OSTN: variants seen among roughly 807,000 people sequenced by gnomAD.
OSTN encodes osteocrin.
Under a neutral mutation model 12.0 loss-of-function variants are expected in OSTN, and 9 were observed. That is an observed-to-expected ratio of 0.75 (90% CI 0.45 to 1.30). The LOEUF is 1.30. OSTN is among the 50% of genes most tolerant of loss of function. The probability of loss-of-function intolerance (pLI) is 0.00; values close to 1 mark genes in which losing one functional copy is unlikely to be tolerated. For missense variants in OSTN, 148 were observed against 152.3 expected (o/e 0.97, Z 0.15); for synonymous variants, 59 against 56.9 (o/e 1.04, Z -0.16).
rs765579699 is a variant in OSTN, at chr3:191,218,953, T to C, written c.309T>C (p.Gly103=). The C allele has an allele frequency of 1.2e-6, 2 of 1,610,958 alleles. No individual in the cohort carries two copies. The highest frequency in any genetic ancestry group is 1.7e-6 in the Non-Finnish European group (2 of 1,178,890). Residue 103 remains glycine (G), a synonymous_variant, in exon 3 of 5, where the codon GGT becomes GGC. Transcript: ENST00000682035. ...CAGCTGGCTCTGTAGATCACAAAGG[T>C]AAACAGAGGTAAGTGAACTCAGAAA... ...RLSAGSVDHK[G]KQRKVVDHPK...
chr3:191,249,352 T>A lies in OSTN; in HGVS notation c.318-685T>A, dbSNP rs955632805. ...ATTGAAAAGTTTCTAAAATGCATCTTATTTTTAAAGGGGTAATTGATAGAA... is the reference window on the plus strand; with the variant it reads ...ATTGAAAAGTTTCTAAAATGCATCTAATTTTTAAAGGGGTAATTGATAGAA... On this transcript the variant is annotated intron_variant, in intron 3 of 4. Coordinates refer to ENST00000682035, the MANE Select transcript of OSTN (RefSeq NM_198184.2). 2.6e-5 allele frequency among the ~76,000 whole-genome samples: 4 copies of A among 152,330 alleles called. No homozygotes were observed. The East Asian group carries it at 5.8e-4, about 22-fold the overall frequency.
intron 3 of OSTN, among the ~76,000 whole-genome samples, chr3:191,236,629 T>G (rs559988152): frequency 6.6e-6 from 1 of 152,250 alleles, no homozygotes; most frequent in African/African-American, 2.4e-5. Context: ...GTATAACTAC[T>G]GTCTTCCACA....
At chr3:191,223,379 T>G (rs1018364847) in intron 3 of OSTN, among the ~76,000 whole-genome samples, 4 of 152,170 alleles carry the variant, frequency 2.6e-5, no homozygotes, top group African/African-American at 9.7e-5. Flanking sequence ...GATATCACCA[T>G]TAGAATTAGG....
At chr3:191,224,478 A>G (rs935698530) in intron 3 of OSTN, among the ~76,000 whole-genome samples, 4 of 152,152 alleles carry the variant, frequency 2.6e-5, no homozygotes, top group African/African-American at 9.6e-5. Flanking sequence ...GAAGATCTAC[A>G]CAACATAACT....
rs370192913 is a variant in OSTN, at chr3:191,250,017, T to C, written c.318-20T>C. 6.3e-7 allele frequency: 1 copy of C among 1,578,296 alleles called. No homozygotes were observed. The highest frequency in any genetic ancestry group is 1.4e-5 in the African/African-American group (1 of 74,046). ...TAACTTGCCCTTTAGTTTAAAAATGTCCTCCTTGGTTTGTTTCAGGAAAGT... is the reference window on the plus strand; with the variant it reads ...TAACTTGCCCTTTAGTTTAAAAATGCCCTCCTTGGTTTGTTTCAGGAAAGT... On this transcript the variant is annotated intron_variant, in intron 3 of 4. Transcript: ENST00000682035.
intron 4 of OSTN, among the ~76,000 whole-genome samples, chr3:191,259,016 C>T (rs1006061610): frequency 1.3e-4 from 20 of 152,192 alleles, no homozygotes; most frequent in Admixed American, 7.8e-4. Context: ...TTGCCTACGA[C>T]GCTTAAAACT....
intron 3 of OSTN, among the ~76,000 whole-genome samples, chr3:191,245,877 C>A (rs1216809926): frequency 2.0e-5 from 3 of 151,558 alleles, no homozygotes; most frequent in Non-Finnish European, 2.9e-5. Context: ...ACCAGCCTGG[C>A]CAACATAGTG....
chr3:191,227,207 A>T (rs1714934319), intron 3 of OSTN, among the ~76,000 whole-genome samples: 1 of 152,220 alleles, frequency 6.6e-6, no homozygotes, highest in Non-Finnish European at 1.5e-5. Context: ...CATGAAAAAA[A>T]TGCAAATTGC....
chr3:191,253,380 G>A (rs866401938), intron 4 of OSTN, among the ~76,000 whole-genome samples: 11 of 152,162 alleles, frequency 7.2e-5, no homozygotes, highest in Admixed American at 4.6e-4. Flanking sequence ...CCAAATGCCC[G>A]CTGAGGTTTT....
At chr3:191,250,797 G>A (rs1715544554) in intron 4 of OSTN, among the ~76,000 whole-genome samples, 1 of 152,148 alleles carries the variant, frequency 6.6e-6, no homozygotes, top group Non-Finnish European at 1.5e-5. Flanking sequence ...TTACATTACA[G>A]TTCTGAAAAT....
At chr3:191,230,100 A>ATAAATAAATAAC (rs1306081001) in intron 3 of OSTN, among the ~76,000 whole-genome samples, 9 of 150,526 alleles carry the variant, frequency 6.0e-5, no homozygotes, top group African/African-American at 2.2e-4. Flanking sequence ...AAATAAATAA[A>ATAAATAAATAAC]TAACTTAGGA....
At chr3:191,236,376 A>T (rs929535725) in intron 3 of OSTN, among the ~76,000 whole-genome samples, 1 of 152,166 alleles carries the variant, frequency 6.6e-6, no homozygotes, top group Non-Finnish European at 1.5e-5. Flanking sequence ...GGGTTCTTGG[A>T]TGTCACACAA....
At chr3:191,248,428 A>T (rs937459606) in intron 3 of OSTN, among the ~76,000 whole-genome samples, 1 of 152,230 alleles carries the variant, frequency 6.6e-6, no homozygotes. Flanking sequence ...TGAGGTTTTC[A>T]TTCATGTTTA....
chr3:191,232,474 T>C (rs1440697533), intron 3 of OSTN, among the ~76,000 whole-genome samples: 2 of 150,288 alleles, frequency 1.3e-5, no homozygotes, highest in Non-Finnish European at 3.0e-5. Flanking sequence ...CAACTATTAC[T>C]ATTATTTTTT....
At chr3:191,242,666 G>A (rs578073468) in intron 3 of OSTN, among the ~76,000 whole-genome samples, 5 of 152,160 alleles carry the variant, frequency 3.3e-5, no homozygotes, top group East Asian at 3.9e-4. Context: ...GTAGCTGGTC[G>A]TACAGATATG....
At chr3:191,229,223 A>G (rs1423022034) in intron 3 of OSTN, among the ~76,000 whole-genome samples, 1 of 152,240 alleles carries the variant, frequency 6.6e-6, no homozygotes, top group African/African-American at 2.4e-5. Context: ...TCTGAAGACT[A>G]AAGTAGAGGG....
Position 191,218,020 on chromosome 3 carries a change from G to A in OSTN, c.103-727G>A, listed in dbSNP as rs117585979. On this transcript the variant is annotated intron_variant, in intron 2 of 4. Transcript: ENST00000682035. ...GAAGCATTAAATAAAGTAAATGAAA[G>A]ACTAATTAGACAAAGTCATTGACTA... 1.2e-3 allele frequency among the ~76,000 whole-genome samples: 178 copies of A among 152,054 alleles called. No individual in the cohort carries two copies. In the East Asian group the frequency reaches 0.031, roughly 27 times the overall value.
chr3:191,221,613 A>G (rs1273327857), intron 3 of OSTN, among the ~76,000 whole-genome samples: 1 of 152,176 alleles, frequency 6.6e-6, no homozygotes, highest in African/African-American at 2.4e-5. Flanking sequence ...CTTGAGAGAG[A>G]TGATTTAGGG....
chr3:191,262,674 T>G (rs1715839188), intron 4 of OSTN, among the ~76,000 whole-genome samples, 192 bp from the exon 5 acceptor site: 1 of 152,264 alleles, frequency 6.6e-6, no homozygotes. Context: ...AAATATTCTT[T>G]TTAATGTATT....
Sources: allele counts gnomAD v4.1 joint callset (sites outside exome capture counted in the v4.1 genomes callset), GRCh38; gene constraint gnomAD v4.1.1; transcripts MANE v1.5; gene names NCBI Gene and HGNC (gene_info 2026-07-23, HGNC 2026-07-21).